Variants in TCF4 observed in about 807,000 individuals in gnomAD.
TCF4 encodes the protein SL3-3 enhancer factor 2.
In TCF4, 3 loss-of-function variants were observed where a neutral mutation model predicts 82.1. The ratio of observed to expected loss-of-function variants is 0.04; its 90% CI spans 0.02 to 0.09. The LOEUF (loss-of-function observed/expected upper bound fraction) is 0.09, where lower values mean the gene tolerates loss of function less well. Ranked by LOEUF, TCF4 falls within the 10% of genes least tolerant of loss-of-function variation. The pLI, the probability that TCF4 is intolerant of heterozygous loss-of-function variation, is 1.00. For synonymous variants in TCF4, 276 were observed against 309.6 expected, an observed-to-expected ratio of 0.89 and a Z score of 1.14; for missense variants, 518 against 852.7, an observed-to-expected ratio of 0.61 and a Z score of 4.89.
chr18:55,334,900 TCTTA>T (rs2078317176), intron 8 of TCF4, among the ~76,000 whole-genome samples: 2 of 152,206 alleles, frequency 1.3e-5, no homozygotes, highest in African/African-American at 4.8e-5. Flanking sequence ...ATTATTCAGA[TCTTA>T]CTTTTCAAAT....
In TCF4 at chr18:55,390,641, G is replaced by A. The variant is rs371402316; in HGVS notation, c.369+12813C>T. On this transcript the variant is annotated intron_variant, in intron 6 of 19. Transcript: ENST00000354452. ...AGATATATTAGATGGAACTCCAAAG[G>A]AGCCTCTGATCTTGGCATCTATGAG... Among the ~76,000 whole-genome samples the A allele has an allele frequency of 2.0e-5, 3 of 152,134 alleles. No homozygotes were observed. The South Asian group carries it at 6.2e-4, about 31-fold the overall frequency.
chr18:55,540,415 T>C (rs1020478208), intron 3 of TCF4, among the ~76,000 whole-genome samples: 3 of 152,150 alleles, frequency 2.0e-5, no homozygotes, highest in Non-Finnish European at 2.9e-5. Flanking sequence ...ATGAACTTGA[T>C]GACATCTACT....
intron 5 of TCF4, among the ~76,000 whole-genome samples, chr18:55,433,413 T>C (rs983792358): frequency 6.6e-6 from 1 of 152,236 alleles, no homozygotes; most frequent in Admixed American, 6.5e-5. Context: ...TAAACATGTA[T>C]GGGCTTTAGC....
Position 55,360,427 on chromosome 18 carries a change from G to A in TCF4, c.370-9424C>T, listed in dbSNP as rs1788022. On this transcript the variant is annotated intron_variant, in intron 6 of 19. Coordinates refer to ENST00000354452, the MANE Select transcript of TCF4 (RefSeq NM_001083962.2). ...GCCCCATTTTTCTTAGGCTACACAT[G>A]CATCAATTTGAACTCTTCCAACAAT... Among the ~76,000 whole-genome samples the A allele has an allele frequency of 1.5e-3, 232 of 152,254 alleles. 1 individual carries two copies. The highest frequency in any genetic ancestry group is 5.3e-3 in the African/African-American group (222 of 41,542).
chr18:55,341,840 A>T (rs1403172333), intron 8 of TCF4, among the ~76,000 whole-genome samples: 3 of 152,202 alleles, frequency 2.0e-5, no homozygotes, highest in African/African-American at 7.2e-5. Flanking sequence ...TTTCAAATGC[A>T]TGACTTTCTC....
At chr18:55,299,978 G>T (rs575598546) in intron 8 of TCF4, among the ~76,000 whole-genome samples, 1 of 152,110 alleles carries the variant, frequency 6.6e-6, no homozygotes, top group Non-Finnish European at 1.5e-5. Context: ...TATGGCCTGG[G>T]ATGTACAGAA....
chr18:55,393,486 A>C (rs539364222), intron 6 of TCF4, among the ~76,000 whole-genome samples: 2 of 152,328 alleles, frequency 1.3e-5, no homozygotes, highest in South Asian at 2.1e-4. Flanking sequence ...CATTATGATG[A>C]TCAAATGGAT....
chr18:55,388,002 G>C (rs1414797271), intron 6 of TCF4, among the ~76,000 whole-genome samples: 1 of 152,192 alleles, frequency 6.6e-6, no homozygotes, highest in East Asian at 1.9e-4. Flanking sequence ...CTGAGCTTTA[G>C]TTTTCCACTT....
chr18:55,424,759 A>G (rs2094912928), intron 5 of TCF4, among the ~76,000 whole-genome samples: 1 of 152,236 alleles, frequency 6.6e-6, no homozygotes, highest in African/African-American at 2.4e-5. Context: ...AATTTATAAC[A>G]GTTTTTGAGA....
chr18:55,341,508 G>A (rs952680046), intron 8 of TCF4, among the ~76,000 whole-genome samples: 2 of 152,158 alleles, frequency 1.3e-5, no homozygotes, highest in Non-Finnish European at 2.9e-5. Flanking sequence ...CTGCTTTGTA[G>A]ACAGAGAAGC....
chr18:55,449,824 T>C (rs1037191883), intron 5 of TCF4, among the ~76,000 whole-genome samples: 1 of 152,104 alleles, frequency 6.6e-6, no homozygotes, highest in South Asian at 2.1e-4. Flanking sequence ...TATTACACAC[T>C]TTCTATTTTC....
intron 3 of TCF4, among the ~76,000 whole-genome samples, chr18:55,549,730 T>C (rs1247333692): frequency 6.8e-6 from 1 of 147,264 alleles, no homozygotes; most frequent in Non-Finnish European, 1.5e-5. Flanking sequence ...TACAGTTAAC[T>C]TTTTTTTTTT....
intron 2 of TCF4, among the ~76,000 whole-genome samples, chr18:55,594,832 T>G (rs1391499250): frequency 1.3e-5 from 2 of 152,204 alleles, no homozygotes; most frequent in East Asian, 1.9e-4. Flanking sequence ...GAGCTGAGAT[T>G]TAAACATAGG....
In TCF4 at chr18:55,585,331, T is replaced by C. The variant is rs752728079; in HGVS notation, c.94A>G (p.Ser32Gly). ...AAAGAAGTTGGTCCATTTTTCCCAC[T>C]GCTCACAGGAGGTGAAAACATCTAA... ...FSAMFSPPVS[S>G]GKNGPTSLAS... The change falls in exon 3 of 20, where the codon AGT becomes GGT. Residue 32 changes from serine to glycine, a missense_variant. Ser to Gly is a moderately conservative substitution (Grantham distance 56). Transcript: ENST00000354452. 1 of 1,614,046 alleles carries C rather than the reference T, an allele frequency of 6.2e-7. No homozygotes were observed. The highest frequency in any genetic ancestry group is 1.7e-5 in the Admixed American group (1 of 60,028).
intron 10 of TCF4, among the ~76,000 whole-genome samples, chr18:55,272,368 A>G (rs1180259508): frequency 6.6e-6 from 1 of 152,082 alleles, no homozygotes; most frequent in African/African-American, 2.4e-5. Flanking sequence ...TAGAGGATTT[A>G]GGGATAAACT....
intron 10 of TCF4, among the ~76,000 whole-genome samples, chr18:55,273,052 C>T (rs187349294): frequency 9.2e-5 from 14 of 152,222 alleles, no homozygotes; most frequent in Non-Finnish European, 1.8e-4. Flanking sequence ...AAATCATCTA[C>T]AACAACCCAT....
intron 3 of TCF4, among the ~76,000 whole-genome samples, chr18:55,489,681 C>G (rs1400296553): frequency 6.6e-6 from 1 of 152,152 alleles, no homozygotes; most frequent in African/African-American, 2.4e-5. Context: ...CAATCTGCAT[C>G]CTGAACACAA....
At chr18:55,301,148 C>A (rs1030884652) in intron 8 of TCF4, among the ~76,000 whole-genome samples, 1 of 152,126 alleles carries the variant, frequency 6.6e-6, no homozygotes, top group African/African-American at 2.4e-5. Flanking sequence ...AGAAAAGTGA[C>A]CCCAATCCCG....
intron 3 of TCF4, among the ~76,000 whole-genome samples, chr18:55,545,233 T>A (rs892827720): frequency 6.6e-6 from 1 of 152,214 alleles, no homozygotes; most frequent in Non-Finnish European, 1.5e-5. Context: ...ATCTGTCACA[T>A]AAAAAATGCC....
Sources: allele counts gnomAD v4.1 joint callset (sites outside exome capture counted in the v4.1 genomes callset), GRCh38; gene constraint gnomAD v4.1.1; transcripts MANE v1.5; gene names NCBI Gene and HGNC (gene_info 2026-07-23, HGNC 2026-07-21).